The following SUPT3H variants were observed in gnomAD, a reference collection of about 807,000 sequenced individuals.
The protein encoded by SUPT3H is SPT3 homolog, SAGA and STAGA complex component, also known as transcription initiation protein SPT3 homolog.
SUPT3H carries 44 observed loss-of-function variants against 44.3 expected under a neutral mutation model. The ratio of observed to expected loss-of-function variants is 0.99; its 90% CI spans 0.78 to 1.28. SUPT3H has a LOEUF of 1.28. Ranked by LOEUF, SUPT3H falls within the 50% of genes most tolerant of loss-of-function variation. The pLI is 0.00. For missense variants in SUPT3H, 380 were observed against 387.1 expected, an observed-to-expected ratio of 0.98 and a Z score of 0.15; for synonymous variants, 124 against 125.6, an observed-to-expected ratio of 0.99 and a Z score of 0.09.
At chr6:44,888,996 T>C (rs1762811681) in intron 10 of SUPT3H, among the ~76,000 whole-genome samples, 1 of 140,900 alleles carries the variant, frequency 7.1e-6, no homozygotes, top group Non-Finnish European at 1.5e-5. Context: ...AGCCAAATCA[T>C]GAGTGAACTC....
chr6:45,113,498 T>C (rs910288807), intron 2 of SUPT3H, among the ~76,000 whole-genome samples: 2 of 152,272 alleles, frequency 1.3e-5, no homozygotes, highest in Non-Finnish European at 2.9e-5. Context: ...ATGAATTTTA[T>C]TAACAATAGC....
intron 2 of SUPT3H, among the ~76,000 whole-genome samples, chr6:45,122,432 A>C (rs576312083): frequency 6.6e-6 from 1 of 152,328 alleles, no homozygotes; most frequent in South Asian, 2.1e-4. Flanking sequence ...CACAGTACCT[A>C]AGGATTAAGA....
intron 10 of SUPT3H, among the ~76,000 whole-genome samples, chr6:44,914,823 C>T (rs73735258): frequency 0.032 from 4,891 of 152,208 alleles, 267 homozygotes; most frequent in African/African-American, 0.11. Flanking sequence ...ATGATTAAGA[C>T]GCAGTCCTTT....
chr6:44,910,696 TAA>T (rs11346126), intron 10 of SUPT3H, among the ~76,000 whole-genome samples: 4,554 of 147,470 alleles, frequency 0.031, 113 homozygotes, highest in South Asian at 0.12. Context: ...TCTTTCAAAT[TAA>T]AAAAAAAAAA....
At chr6:44,867,662 T>C (rs1035678600) in intron 10 of SUPT3H, among the ~76,000 whole-genome samples, 7 of 152,138 alleles carry the variant, frequency 4.6e-5, no homozygotes, top group Non-Finnish European at 1.0e-4. Context: ...TGACACACAG[T>C]AGAATCTCAT....
chr6:44,852,439 T>C (rs1316565629), intron 10 of SUPT3H, among the ~76,000 whole-genome samples: 2 of 152,126 alleles, frequency 1.3e-5, no homozygotes, highest in Non-Finnish European at 2.9e-5. Context: ...TCAGCAGGGC[T>C]CTATTTTTAC....
At chr6:45,280,839 T>C (rs1777908571) in intron 2 of SUPT3H, among the ~76,000 whole-genome samples, 1 of 152,118 alleles carries the variant, frequency 6.6e-6, no homozygotes, top group African/African-American at 2.4e-5. Flanking sequence ...AAATATAACA[T>C]GTTCTATAAC....
chr6:44,892,843 C>A (rs1021919993), intron 10 of SUPT3H, among the ~76,000 whole-genome samples: 3 of 152,116 alleles, frequency 2.0e-5, no homozygotes, highest in African/African-American at 7.2e-5. Context: ...AATCAAACAC[C>A]CTGAGCCAAG....
intron 2 of SUPT3H, among the ~76,000 whole-genome samples, chr6:45,282,034 G>A (rs1310050080): frequency 2.0e-5 from 3 of 152,184 alleles, no homozygotes; most frequent in Non-Finnish European, 4.4e-5. Flanking sequence ...GGTCCTGACT[G>A]TTAGAAGGAA....
At chr6:45,149,763 T>TAA (rs927788980) in intron 2 of SUPT3H, among the ~76,000 whole-genome samples, 1 of 151,990 alleles carries the variant, frequency 6.6e-6, no homozygotes, top group Non-Finnish European at 1.5e-5. Context: ...AAAAAAACTT[T>TAA]AAAAAAAATT....
intron 11 of SUPT3H, among the ~76,000 whole-genome samples, chr6:44,811,449 GTTGGATAGACTGCAGTCA>G (rs1468701847): frequency 6.6e-6 from 1 of 152,226 alleles, no homozygotes; most frequent in Non-Finnish European, 1.5e-5. Context: ...GTAGACAAAG[GTTGGATAGACTGCAGTCA>G]TTGGTAGTGT....
At chr6:45,317,173 G>A (rs1483926284) in intron 2 of SUPT3H, among the ~76,000 whole-genome samples, 1 of 130,556 alleles carries the variant, frequency 7.7e-6, no homozygotes, top group Non-Finnish European at 1.6e-5. Flanking sequence ...GTTGCAGTGA[G>A]TTGAGATCAC....
At chr6:45,061,503 C>A (rs1792023519) in intron 3 of SUPT3H, among the ~76,000 whole-genome samples, 1 of 152,084 alleles carries the variant, frequency 6.6e-6, no homozygotes, top group African/African-American at 2.4e-5. Context: ...GGCTTAATAC[C>A]TAGCTGATGG....
At chr6:45,177,278 G>A (rs916084063) in intron 2 of SUPT3H, among the ~76,000 whole-genome samples, 1 of 152,196 alleles carries the variant, frequency 6.6e-6, no homozygotes, top group Non-Finnish European at 1.5e-5. Context: ...GAATGCAGAA[G>A]CCTCAGGAGC....
chr6:45,305,815 G>A (rs1782897811), intron 2 of SUPT3H, among the ~76,000 whole-genome samples: 2 of 152,166 alleles, frequency 1.3e-5, no homozygotes, highest in African/African-American at 4.8e-5. Context: ...AGGCAATGTG[G>A]CTGCACTGGG....
chr6:44,989,635 G>A (rs942546876), intron 6 of SUPT3H, among the ~76,000 whole-genome samples: 3 of 152,028 alleles, frequency 2.0e-5, no homozygotes, highest in African/African-American at 7.2e-5. Context: ...ACGTACAAAG[G>A]TTCCTATTCC....
At position 45,269,249 on chromosome 6, in the gene SUPT3H, A is replaced by G. The variant is rs116918307; in HGVS notation, c.101+95952T>C. ...CAAAATTAAATAGTTTCCTTACTGT[A>G]GGACTATTTGGAGCCTTTAATATGG... On this transcript the variant is annotated intron_variant, in intron 2 of 10. Transcript: ENST00000371459. Among the ~76,000 whole-genome samples, 24 of 152,346 alleles carry G rather than the reference A, an allele frequency of 1.6e-4. No homozygotes were observed. In the East Asian group the frequency reaches 4.2e-3, roughly 27 times the overall value.
chr6:45,206,349 C>T (rs543791715), intron 2 of SUPT3H, among the ~76,000 whole-genome samples: 3 of 152,004 alleles, frequency 2.0e-5, no homozygotes, highest in African/African-American at 7.2e-5. Context: ...ATGAGGAGAC[C>T]TTTAAGCAGG....
At chr6:45,235,498 G>C (rs960499650) in intron 2 of SUPT3H, among the ~76,000 whole-genome samples, 5 of 151,942 alleles carry the variant, frequency 3.3e-5, no homozygotes, top group Non-Finnish European at 2.9e-5. Flanking sequence ...TATATTTACA[G>C]GATATATACA....
Sources: gnomAD v4.1 joint callset for allele counts (sites outside exome capture counted in the v4.1 genomes callset) on GRCh38, gnomAD v4.1.1 for gene constraint, MANE v1.5 for transcripts, NCBI Gene and HGNC (gene_info 2026-07-23, HGNC 2026-07-21) for gene names.